Variants in LRP3 observed in about 807,000 individuals in gnomAD.
LRP3 encodes low-density lipoprotein receptor-related protein 3.
LRP3 carries 49 observed loss-of-function variants against 58.5 expected under a neutral mutation model. The observed-to-expected ratio is 0.84, with a 90% CI of 0.67 to 1.06. The LOEUF (loss-of-function observed/expected upper bound fraction) is 1.06, where lower values mean the gene tolerates loss of function less well. Among genes scored for constraint, LRP3 ranks in the 50% least tolerant of loss-of-function variants. LRP3 has a pLI of 0.00. For missense variants in LRP3, 1,019 were observed against 1,134.2 expected (o/e 0.90, Z 1.46); for synonymous variants, 485 against 492.2 (o/e 0.99, Z 0.20).
chr19:33,207,287 G>A lies in LRP3; in HGVS notation c.2025G>A (p.Pro675=), dbSNP rs1432499761. Residue 675 remains proline (P), a synonymous_variant, in exon 7 of 7, where the codon CCG becomes CCA. Coordinates refer to ENST00000253193, the MANE Select transcript of LRP3 (RefSeq NM_002333.4). ...DRPPSAPGRA[P]EVGPSGPPLP... ...CCCCCAGTGCCCCCGGCCGTGCACC[G>A]GAGGTGGGACCTTCAGGGCCACCCT... 25 of 1,558,702 alleles carry A rather than the reference G, an allele frequency of 1.6e-5. No individual in the cohort carries two copies. Among genetic ancestry groups the A allele is most frequent in the African/African-American group, 4.0e-5 (3 of 74,138 alleles).
In LRP3 at chr19:33,207,731, G is replaced by A. The variant is rs1200712406; in HGVS notation, c.*156G>A. The stretch of plus-strand genomic sequence containing the variant: ...AAGCCAGCTGGCTGCACTGGTGGGC[G>A]GGAGCTGTGGGACTGAACGGCGGGG... On this transcript the variant is annotated 3_prime_UTR_variant, in exon 7 of 7. Transcript: ENST00000253193. 3 of 615,654 alleles carry A rather than the reference G, an allele frequency of 4.9e-6. No homozygotes were observed. Among genetic ancestry groups the A allele is most frequent in the African/African-American group, 3.9e-5 (2 of 51,728 alleles). The allele number at this position is 615,654 out of a possible 1,614,324, so 38.1% of individuals were successfully genotyped here.
rs992405064 is a variant in LRP3, at chr19:33,194,427, C to T, written c.-359C>T. Among the ~76,000 whole-genome samples the T allele has an allele frequency of 5.9e-3, 848 of 143,928 alleles. 8 individuals carry two copies. The highest frequency in any genetic ancestry group is 0.01 in the Non-Finnish European group (662 of 65,126). 94.4% of individuals were successfully genotyped at this position (143,928 alleles called of 152,430 possible). A position where few individuals can be genotyped will look rare whatever the true frequency, so the allele number is the denominator to read the frequency against. ...CGCCGGGGCCGGGCGGGCTGCGCGC[C>T]GCGGGGCATGGGCGCGCCGGGGGTC... On this transcript the variant is annotated 5_prime_UTR_variant, in exon 1 of 7. Transcript: ENST00000253193.
chr19:33,204,360 T>C, intron 3 of LRP3: 3 of 510,372 alleles, frequency 5.9e-6, no homozygotes, highest in Non-Finnish European at 1.1e-5. Flanking sequence ...TGTGCACTGA[T>C]GGAGGGAAGG....
At position 33,208,677 on chromosome 19, in the gene LRP3, T is replaced by G. The variant is rs565890210; in HGVS notation, c.*1102T>G. ...CATAGCACGAGCGAACAGCCAGCCC[T>G]GTTTATTTATAGGCCTTTTCAGGAA... On this transcript the variant is annotated 3_prime_UTR_variant, in exon 7 of 7. Coordinates refer to ENST00000253193, the MANE Select transcript of LRP3 (RefSeq NM_002333.4). The surrounding 1 kb of genome is among the most constrained non-coding windows in gnomAD (Gnocchi z 4.7). 3.0e-5 allele frequency: 19 copies of G among 634,288 alleles called. No homozygotes were observed. In the African/African-American group the frequency reaches 3.1e-4, roughly 10 times the overall value. The allele number at this position is 634,288 out of a possible 1,614,324, so 39.3% of individuals were successfully genotyped here. A position where few individuals can be genotyped will look rare whatever the true frequency, so the allele number is the denominator to read the frequency against.
At chr19:33,206,776 G>C (rs1384470916) in intron 6 of LRP3, 43 bp downstream of exon 6, 2 of 1,499,218 alleles carry the variant, frequency 1.3e-6, no homozygotes, top group Admixed American at 4.6e-5. Flanking sequence ...GGCCACTTGG[G>C]ACAGTGTGCG....
At chr19:33,204,945 C>A in intron 4 of LRP3, 93 bp downstream of exon 4, 8 of 1,193,162 alleles carry the variant, frequency 6.7e-6, no homozygotes, top group Non-Finnish European at 9.5e-6. Context: ...CTCCACAGGG[C>A]CCCGGCTCCC....
intron 2 of LRP3, among the ~76,000 whole-genome samples, chr19:33,199,072 T>G (rs11671345): frequency 0.4 from 61,427 of 151,918 alleles, 15,900 homozygotes; most frequent in Non-Finnish European, 0.58. Flanking sequence ...CTGAGAGAAG[T>G]CAGGTCACCT....
chr19:33,207,829 TC>T lies in LRP3; in HGVS notation c.*260del. The T allele has an allele frequency of 1.9e-6, 1 of 517,866 alleles. No individual in the cohort carries two copies. The highest frequency in any genetic ancestry group is 3.4e-5 in the East Asian group (1 of 29,344). The allele number at this position is 517,866 out of a possible 1,614,324, so 32.1% of individuals were successfully genotyped here. On this transcript the variant is annotated 3_prime_UTR_variant, in exon 7 of 7. Transcript: ENST00000253193. Reference sequence around the variant, plus strand: ...CAAGCACCCTGGGGTCTCACTTCTCTCCCCCCACTCCATTCTGGGAACCCAT... The same window carrying T: ...CAAGCACCCTGGGGTCTCACTTCTCTCCCCCACTCCATTCTGGGAACCCAT...
At chr19:33,197,186 G>A (rs929328005) in intron 2 of LRP3, among the ~76,000 whole-genome samples, 3 of 152,214 alleles carry the variant, frequency 2.0e-5, no homozygotes, top group Non-Finnish European at 2.9e-5. Context: ...AGAGGCCCAT[G>A]CCAGGGAAAG....
chr19:33,203,252 CGT>C, intron 3 of LRP3, among the ~76,000 whole-genome samples: 1 of 151,370 alleles, frequency 6.6e-6, no homozygotes. Flanking sequence ...GTGAGGTAGG[CGT>C]GTGTAGGTAT....
At position 33,205,236 on chromosome 19, in the gene LRP3, C is replaced by G; in HGVS notation, c.476-10C>G. On this transcript the variant is annotated splice_polypyrimidine_tract_variant and intron_variant, in intron 4 of 6. Coordinates refer to ENST00000253193, the MANE Select transcript of LRP3 (RefSeq NM_002333.4). ...TCCTGACTGTCCCCTGCTACGTCTC[C>G]ACCCCACAGGGAAGCTGGGCCAGGC... The G allele has an allele frequency of 6.2e-7, 1 of 1,603,950 alleles. No individual in the cohort carries two copies. Among genetic ancestry groups the G allele is most frequent in the Non-Finnish European group, 8.5e-7 (1 of 1,175,950 alleles).
chr19:33,201,472 T>C (rs1299496487), intron 2 of LRP3, among the ~76,000 whole-genome samples: 1 of 151,986 alleles, frequency 6.6e-6, no homozygotes, highest in Non-Finnish European at 1.5e-5. Flanking sequence ...CTGGCGCTGC[T>C]GTAGTGAATT....
At chr19:33,197,741 A>C (rs1974300553) in intron 2 of LRP3, among the ~76,000 whole-genome samples, 1 of 152,062 alleles carries the variant, frequency 6.6e-6, no homozygotes, top group Admixed American at 6.6e-5. Flanking sequence ...CTGGGTTTCT[A>C]GTTCTGTGCA....
chr19:33,208,443 C>T lies in LRP3; in HGVS notation c.*868C>T, dbSNP rs1053506661. Reference sequence around the variant, plus strand: ...GGCATCGAGGGGCCTGGGGTAGGGGCGGACTGAGCTGCTACCCCATCCTCG... The same window carrying T: ...GGCATCGAGGGGCCTGGGGTAGGGGTGGACTGAGCTGCTACCCCATCCTCG... On this transcript the variant is annotated 3_prime_UTR_variant, in exon 7 of 7. Coordinates refer to ENST00000253193, the MANE Select transcript of LRP3 (RefSeq NM_002333.4). The surrounding 1 kb of genome is among the most constrained non-coding windows in gnomAD (Gnocchi z 4.7). 1.7e-5 allele frequency: 4 copies of T among 235,446 alleles called. No individual in the cohort carries two copies. The highest frequency in any genetic ancestry group is 5.2e-5 in the South Asian group (1 of 19,102). The allele number at this position is 235,446 out of a possible 1,614,324, so 14.6% of individuals were successfully genotyped here. A position where few individuals can be genotyped will look rare whatever the true frequency, so the allele number is the denominator to read the frequency against.
intron 2 of LRP3, among the ~76,000 whole-genome samples, chr19:33,202,068 CCTAA>C (rs1324793701): frequency 1.3e-5 from 2 of 152,212 alleles, no homozygotes; most frequent in Admixed American, 6.5e-5. Flanking sequence ...TCTGCCCCTC[CCTAA>C]CTGTGTGGCC....
intron 6 of LRP3, 99 bp downstream of exon 6, chr19:33,206,832 G>A (rs1262733925): frequency 9.6e-6 from 13 of 1,354,454 alleles, no homozygotes; most frequent in East Asian, 7.4e-5. Context: ...CAAGGCCTGC[G>A]CAGGGTGACC....
chr19:33,196,907 A>G, intron 2 of LRP3, 130 bp downstream of exon 2: 1 of 856,892 alleles, frequency 1.2e-6, no homozygotes, highest in Non-Finnish European at 2.0e-6. Context: ...ATCACAAAGG[A>G]GCTGTTTGGC....
intron 1 of LRP3, among the ~76,000 whole-genome samples, chr19:33,195,484 C>T (rs1026857879): frequency 6.6e-6 from 1 of 152,214 alleles, no homozygotes; most frequent in Admixed American, 6.5e-5. Context: ...AGCTTTCCAG[C>T]GCTCTGTGTA....
chr19:33,205,364 C>T lies in LRP3; in HGVS notation c.594C>T (p.Gly198=), dbSNP rs1288784799. 12 of 1,603,608 alleles carry T rather than the reference C, an allele frequency of 7.5e-6. No homozygotes were observed. In the East Asian group the frequency reaches 9.0e-5, roughly 12 times the overall value. The change falls in exon 5 of 7, where the codon GGC becomes GGT. Residue 198 remains glycine (G), a synonymous_variant. Coordinates refer to ENST00000253193, the MANE Select transcript of LRP3 (RefSeq NM_002333.4). The part of the protein sequence containing the change: ...VDECGDGSDE[G]NCSAPASEPP... ...AGTGTGGAGACGGCTCTGATGAGGG[C>T]AACTGCTCGGCGCCCGCCTCCGAGC...
Sources: gnomAD v4.1 joint callset for allele counts (sites outside exome capture counted in the v4.1 genomes callset) on GRCh38, gnomAD v4.1.1 for gene constraint, Gnocchi (gnomAD v3.1) non-coding constraint, MANE v1.5 for transcripts, NCBI Gene and HGNC (gene_info 2026-07-23, HGNC 2026-07-21) for gene names.